The following CKMT2 variants were observed in gnomAD, a reference collection of about 807,000 sequenced individuals.
CKMT2 encodes the protein creatine kinase S-type, mitochondrial.
In CKMT2, 43 loss-of-function variants were observed where a neutral mutation model predicts 48.9. The observed-to-expected ratio is 0.88, with a 90% CI of 0.69 to 1.13. The LOEUF is 1.13. Among genes scored for constraint, CKMT2 ranks in the 50% most tolerant of loss-of-function variants. CKMT2 has a pLI of 0.00. For missense variants in CKMT2, 472 were observed against 555.4 expected, an observed-to-expected ratio of 0.85 and a Z score of 1.51; for synonymous variants, 206 against 213.0, an observed-to-expected ratio of 0.97 and a Z score of 0.29.
In CKMT2 at chr5:81,264,891, G is replaced by A. The variant is rs752517656; in HGVS notation, c.1141-1248G>A. On this transcript the variant is annotated intron_variant, in intron 9 of 9. Transcript: ENST00000254035. ...ACTTGAAAAAATTGTTATAATACAT[G>A]TTTAATATTATAACCAAATACTGGT... 4.6e-5 allele frequency among the ~76,000 whole-genome samples: 7 copies of A among 151,906 alleles called. No homozygotes were observed. In the South Asian group the frequency reaches 1.0e-3, roughly 23 times the overall value.
intron 5 of CKMT2, among the ~76,000 whole-genome samples, chr5:81,256,251 A>G (rs1244511203): frequency 6.9e-6 from 1 of 144,446 alleles, no homozygotes; most frequent in African/African-American, 2.5e-5. Flanking sequence ...CTTGGGAGTC[A>G]CAGAAGTCTA....
chr5:81,241,016 A>G (rs1275636537), intron 1 of CKMT2, among the ~76,000 whole-genome samples: 1 of 152,198 alleles, frequency 6.6e-6, no homozygotes, highest in African/African-American at 2.4e-5. Flanking sequence ...TACTCATCAG[A>G]CATTTAATGA....
Position 81,263,392 on chromosome 5 carries a change from CTGT to C in CKMT2, c.1015-97_1015-95del, listed in dbSNP as rs550355534. On this transcript the variant is annotated intron_variant, in intron 8 of 9. Coordinates refer to ENST00000254035, the MANE Select transcript of CKMT2 (RefSeq NM_001099735.2). ...TTTATTATATATATAAAAAGTTAAA[CTGT>C]TATCTCTCACTATATGTCTTTTGTC... is the stretch of plus-strand genomic sequence containing the variant. 128 of 527,850 alleles carry C rather than the reference CTGT, an allele frequency of 2.4e-4. 2 individuals carry two copies. The East Asian group carries it at 5.8e-3, about 24-fold the overall frequency. 32.7% of individuals were successfully genotyped at this position (527,850 alleles called of 1,614,324 possible). A position where few individuals can be genotyped will look rare whatever the true frequency, so the allele number is the denominator to read the frequency against.
rs918197915 is a variant in CKMT2, at chr5:81,241,675, C to G, written c.-21+8298C>G. Among the ~76,000 whole-genome samples the G allele has an allele frequency of 2.6e-5, 4 of 152,238 alleles. No individual in the cohort carries two copies. The South Asian group carries it at 6.2e-4, about 24-fold the overall frequency. On this transcript the variant is annotated intron_variant, in intron 1 of 9. Transcript: ENST00000254035. ...AATTATGCTTGACAAATGGTGCTGTCAAGTCCTCTTACTTTAGTTCGAGAA... is the reference window on the plus strand; with the variant it reads ...AATTATGCTTGACAAATGGTGCTGTGAAGTCCTCTTACTTTAGTTCGAGAA...
chr5:81,246,057 C>T (rs572982521), intron 1 of CKMT2, among the ~76,000 whole-genome samples: 12 of 151,998 alleles, frequency 7.9e-5, no homozygotes, highest in Non-Finnish European at 1.8e-4. Context: ...AGCACCTTAT[C>T]TCTCACCTGG....
At chr5:81,236,346 G>A (rs1756243612) in intron 1 of CKMT2, among the ~76,000 whole-genome samples, 1 of 152,152 alleles carries the variant, frequency 6.6e-6, no homozygotes, top group Non-Finnish European at 1.5e-5. Flanking sequence ...GCTGCGGTCT[G>A]CAAGGAAGCT....
In CKMT2 at chr5:81,256,173, C is replaced by CAA. The variant is rs377273384; in HGVS notation, c.670-733_670-732dup. On this transcript the variant is annotated intron_variant, in intron 5 of 9. Coordinates refer to ENST00000254035, the MANE Select transcript of CKMT2 (RefSeq NM_001099735.2). ...GCAAGAAAGAGTAGTATACACATTGCAAAAAAAAAAGTCTTGACTTTAATT... is the reference window on the plus strand; with the variant it reads ...GCAAGAAAGAGTAGTATACACATTGCAAAAAAAAAAAAGTCTTGACTTTAATT... Among the ~76,000 whole-genome samples, 706 of 146,236 alleles carry CAA rather than the reference C, an allele frequency of 4.8e-3. 6 individuals carry two copies. The highest frequency in any genetic ancestry group is 0.016 in the African/African-American group (649 of 40,032).
chr5:81,259,064 T>C, intron 7 of CKMT2, 56 bp from the exon 8 acceptor site: 1 of 1,561,026 alleles, frequency 6.4e-7, no homozygotes, highest in South Asian at 1.2e-5. Context: ...AGGGATGTGC[T>C]GAATGAATGG....
intron 1 of CKMT2, among the ~76,000 whole-genome samples, chr5:81,234,800 G>A (rs1002184960): frequency 5.9e-5 from 9 of 152,120 alleles, no homozygotes; most frequent in African/African-American, 2.2e-4. Context: ...TCAGACACAG[G>A]AGGGAGACTG....
chr5:81,265,902 A>C (rs1015393069), intron 9 of CKMT2, among the ~76,000 whole-genome samples: 2 of 152,214 alleles, frequency 1.3e-5, no homozygotes, highest in African/African-American at 4.8e-5. Flanking sequence ...TAGAGATGCA[A>C]ACTAATGGTT....
At chr5:81,255,745 T>A (rs907862172) in intron 5 of CKMT2, among the ~76,000 whole-genome samples, 1 of 151,044 alleles carries the variant, frequency 6.6e-6, no homozygotes, top group East Asian at 1.9e-4. Flanking sequence ...TGCACAAAAC[T>A]CAAGTCCCTT....
intron 8 of CKMT2, among the ~76,000 whole-genome samples, chr5:81,260,379 C>G (rs1757171399): frequency 6.6e-6 from 1 of 152,034 alleles, no homozygotes; most frequent in Non-Finnish European, 1.5e-5. Context: ...CAGAGCAGAA[C>G]TGAAGGAGAT....
chr5:81,257,116 C>A, intron 6 of CKMT2, 116 bp downstream of exon 6: 3 of 703,402 alleles, frequency 4.3e-6, no homozygotes, highest in Admixed American at 2.8e-5. Context: ...CCAGACTGAG[C>A]TAAATGGAAA....
At chr5:81,242,311 T>C (rs544018851) in intron 1 of CKMT2, 2 of 348,604 alleles carry the variant, frequency 5.7e-6, no homozygotes, top group East Asian at 6.7e-5. Context: ...GGCTTTTTTT[T>C]TGTGAGACAA....
chr5:81,240,063 T>C (rs1756385206), intron 1 of CKMT2, among the ~76,000 whole-genome samples: 1 of 151,956 alleles, frequency 6.6e-6, no homozygotes, highest in South Asian at 2.1e-4. Flanking sequence ...CCTCCAATGC[T>C]GCCCACCATG....
At chr5:81,257,365 C>T (rs1165985138) in intron 6 of CKMT2, among the ~76,000 whole-genome samples, 1 of 148,532 alleles carries the variant, frequency 6.7e-6, no homozygotes, top group Admixed American at 6.7e-5. Context: ...TGGAAGGTAA[C>T]CCCCACCCGC....
chr5:81,266,080 A>G, intron 9 of CKMT2, 59 bp from the exon 10 acceptor site: 1 of 1,556,066 alleles, frequency 6.4e-7, no homozygotes, highest in East Asian at 2.3e-5. Context: ...GTTCCTGTTA[A>G]TCAATGCCCT....
chr5:81,255,036 G>C lies in CKMT2; in HGVS notation c.491G>C (p.Arg164Pro), dbSNP rs1042613615. 6.2e-7 allele frequency: 1 copy of C among 1,613,942 alleles called. No homozygotes were observed. The highest frequency in any genetic ancestry group is 1.1e-5 in the South Asian group (1 of 91,080). Reference sequence around the variant, plus strand: ...GACGAGCATTACGTGCTGTCTTCTCGGGTGCGCACTGGCCGCAGCATCCGT... The same window carrying C: ...GACGAGCATTACGTGCTGTCTTCTCCGGTGCGCACTGGCCGCAGCATCCGT... ...QFDEHYVLSSRVRTGRSIRGL... is the reference protein window; with the variant it reads ...QFDEHYVLSSPVRTGRSIRGL... Residue 164 changes from arginine to proline, a missense_variant, in exon 5 of 10, where the codon CGG (arginine) becomes CCG (proline). Arg to Pro is a moderately radical substitution (Grantham distance 103, BLOSUM62 -2). Coordinates refer to ENST00000254035, the MANE Select transcript of CKMT2 (RefSeq NM_001099735.2).
chr5:81,237,515 A>G (rs1418162326), intron 1 of CKMT2: 1 of 72,174 alleles, frequency 1.4e-5, no homozygotes, highest in Non-Finnish European at 3.0e-5. Flanking sequence ...AGACTCATTC[A>G]AAAAAGGTGG....
Sources: allele counts gnomAD v4.1 joint callset (sites outside exome capture counted in the v4.1 genomes callset), GRCh38; gene constraint gnomAD v4.1.1; transcripts MANE v1.5; gene names NCBI Gene and HGNC (gene_info 2026-07-23, HGNC 2026-07-21).